Variants in AKT3 observed in about 807,000 individuals in gnomAD.
AKT3 encodes AKT serine/threonine kinase 3.
AKT3 carries 15 observed loss-of-function variants against 65.3 expected under a neutral mutation model. That is an observed-to-expected ratio of 0.23 (90% CI 0.15 to 0.35). The LOEUF (loss-of-function observed/expected upper bound fraction) is 0.35. Ranked by LOEUF, AKT3 falls within the 10% of genes least tolerant of loss-of-function variation. AKT3 has a pLI of 1.00. For missense variants in AKT3, 243 were observed against 576.5 expected (o/e 0.42, Z 5.92); for synonymous variants, 206 against 183.8 (o/e 1.12, Z -0.98).
intron 5 of AKT3, among the ~76,000 whole-genome samples, chr1:243,642,588 C>A (rs183227440): frequency 6.6e-6 from 1 of 152,152 alleles, no homozygotes; most frequent in Non-Finnish European, 1.5e-5. Context: ...GGATTACAGG[C>A]GTGAGCCACC....
At chr1:243,756,466 C>T (rs1268358031) in intron 2 of AKT3, among the ~76,000 whole-genome samples, 2 of 152,128 alleles carry the variant, frequency 1.3e-5, no homozygotes, top group Non-Finnish European at 2.9e-5. Context: ...AAGGGAATCC[C>T]GCTGGCCACA....
chr1:243,690,199 G>C (rs1684595957), intron 3 of AKT3, among the ~76,000 whole-genome samples: 1 of 152,012 alleles, frequency 6.6e-6, no homozygotes, highest in Admixed American at 6.6e-5. Flanking sequence ...TTGATCAGAA[G>C]TAGGATAAGC....
At chr1:243,830,365 C>T (rs1047555730) in intron 2 of AKT3, among the ~76,000 whole-genome samples, 1 of 152,112 alleles carries the variant, frequency 6.6e-6, no homozygotes, top group Non-Finnish European at 1.5e-5. Flanking sequence ...ACCAACCCCC[C>T]GTGGATACTG....
chr1:243,720,040 C>G (rs992134158), intron 2 of AKT3, among the ~76,000 whole-genome samples: 4 of 152,082 alleles, frequency 2.6e-5, no homozygotes, highest in Non-Finnish European at 5.9e-5. Context: ...TGGCCGGGCG[C>G]GGTGCCTCAC....
chr1:243,609,665 C>T (rs1445130802), intron 8 of AKT3, among the ~76,000 whole-genome samples: 1 of 152,086 alleles, frequency 6.6e-6, no homozygotes, highest in Non-Finnish European at 1.5e-5. Flanking sequence ...AGAATCAGTT[C>T]ACTTGCTTCA....
chr1:243,512,986 C>T (rs968826172), intron 12 of AKT3, among the ~76,000 whole-genome samples: 17 of 152,188 alleles, frequency 1.1e-4, no homozygotes, highest in African/African-American at 3.4e-4. Flanking sequence ...TAGCCCCTGA[C>T]GTTACATGCA....
intron 5 of AKT3, among the ~76,000 whole-genome samples, chr1:243,638,808 A>G (rs1030982849): frequency 2.6e-5 from 4 of 152,058 alleles, no homozygotes; most frequent in African/African-American, 9.7e-5. Context: ...CAATTGTTTC[A>G]GTTTCCACCT....
chr1:243,591,736 A>C (rs1422735072), intron 8 of AKT3, among the ~76,000 whole-genome samples: 1 of 152,194 alleles, frequency 6.6e-6, no homozygotes, highest in Non-Finnish European at 1.5e-5. Flanking sequence ...GTCCCAAATC[A>C]AACTTCAAGA....
Position 243,499,995 on chromosome 1 carries a change from GTA to G in AKT3, c.*5252_*5253del, listed in dbSNP as rs1280115832. 3.3e-6 allele frequency: 2 copies of G among 599,780 alleles called. No individual in the cohort carries two copies. The highest frequency in any genetic ancestry group is 3.7e-5 in the African/African-American group (2 of 54,292). 37.2% of individuals were successfully genotyped at this position (599,780 alleles called of 1,614,324 possible). On this transcript the variant is annotated 3_prime_UTR_variant, in exon 14 of 14. Transcript: ENST00000673466. The stretch of plus-strand genomic sequence containing the variant: ...ACTCTAGCTGAGCAGAGCTCCTGGT[GTA>G]TGTTTTCAGAAATGGCTTGAAGTTA...
chr1:243,729,814 CTTCT>C (rs1463317674), intron 2 of AKT3, among the ~76,000 whole-genome samples: 5 of 152,094 alleles, frequency 3.3e-5, no homozygotes, highest in Non-Finnish European at 7.4e-5. Context: ...TTACAGTGTT[CTTCT>C]TTATGTATAT....
At chr1:243,684,381 C>A (rs975063775) in intron 3 of AKT3, among the ~76,000 whole-genome samples, 1 of 152,060 alleles carries the variant, frequency 6.6e-6, no homozygotes, top group African/African-American at 2.4e-5. Context: ...CTGTTCAACT[C>A]CCACTTATGA....
chr1:243,597,641 C>T (rs972073052), intron 8 of AKT3, among the ~76,000 whole-genome samples: 3 of 152,156 alleles, frequency 2.0e-5, no homozygotes, highest in African/African-American at 7.2e-5. Context: ...GCTGGGAGCA[C>T]AGGCACTGGC....
At chr1:243,523,596 T>A (rs533747381) in intron 12 of AKT3, among the ~76,000 whole-genome samples, 1 of 152,294 alleles carries the variant, frequency 6.6e-6, no homozygotes, top group Non-Finnish European at 1.5e-5. Flanking sequence ...AAGAAAACAC[T>A]GAGCCCCTAA....
chr1:243,752,690 G>A (rs1287212482), intron 2 of AKT3, among the ~76,000 whole-genome samples: 1 of 152,116 alleles, frequency 6.6e-6, no homozygotes, highest in Non-Finnish European at 1.5e-5. Flanking sequence ...TTTATAAGTG[G>A]TGTGAAATTC....
At chr1:243,776,953 G>A (rs554626031) in intron 2 of AKT3, among the ~76,000 whole-genome samples, 3 of 152,272 alleles carry the variant, frequency 2.0e-5, no homozygotes, top group African/African-American at 7.2e-5. Context: ...GAAATGTTTG[G>A]TGAAATAAAC....
chr1:243,685,066 GGATA>G (rs1684192153), intron 3 of AKT3, among the ~76,000 whole-genome samples: 1 of 152,090 alleles, frequency 6.6e-6, no homozygotes, highest in Non-Finnish European at 1.5e-5. Context: ...TTTGACAGGT[GGATA>G]GATTGCGAAA....
intron 2 of AKT3, among the ~76,000 whole-genome samples, chr1:243,801,606 A>G (rs1692386897): frequency 6.6e-6 from 1 of 152,232 alleles, no homozygotes; most frequent in African/African-American, 2.4e-5. Context: ...TTCTGAGGTT[A>G]GGGAAACTCT....
intron 2 of AKT3, among the ~76,000 whole-genome samples, chr1:243,710,428 C>G (rs1358376974): frequency 1.3e-5 from 2 of 152,154 alleles, no homozygotes; most frequent in Non-Finnish European, 2.9e-5. Context: ...TTATATGAAG[C>G]TACTAGCACT....
At chr1:243,714,399 G>C (rs1162837880) in intron 2 of AKT3, among the ~76,000 whole-genome samples, 1 of 152,146 alleles carries the variant, frequency 6.6e-6, no homozygotes, top group Non-Finnish European at 1.5e-5. Context: ...GTTCATTGGA[G>C]TGTTTCTAAG....
Sources: allele counts gnomAD v4.1 joint callset (sites outside exome capture counted in the v4.1 genomes callset), GRCh38; gene constraint gnomAD v4.1.1; transcripts MANE v1.5; gene names NCBI Gene and HGNC (gene_info 2026-07-23, HGNC 2026-07-21).